The following CDH20 variants were observed in gnomAD, a reference collection of about 807,000 sequenced individuals.
CDH20 encodes cadherin 20.
A neutral mutation model predicts 74.2 loss-of-function variants in CDH20; 29 were observed. The observed-to-expected ratio is 0.39, with a 90% CI of 0.29 to 0.53. The LOEUF (loss-of-function observed/expected upper bound fraction) is 0.53. CDH20 is among the 20% of genes least tolerant of loss of function. The pLI is 0.69. For missense variants in CDH20, 988 were observed against 1,048.3 expected (o/e 0.94, Z 0.79); for synonymous variants, 469 against 405.4 (o/e 1.16, Z -1.88).
At chr18:61,468,574 T>C (rs1435836661) in intron 1 of CDH20, among the ~76,000 whole-genome samples, 1 of 152,226 alleles carries the variant, frequency 6.6e-6, no homozygotes, top group Non-Finnish European at 1.5e-5. Context: ...GTATCCCTTT[T>C]TCCCCCCTAC....
At chr18:61,484,905 A>G (rs1910705930) in intron 1 of CDH20, among the ~76,000 whole-genome samples, 1 of 152,144 alleles carries the variant, frequency 6.6e-6, no homozygotes, top group African/African-American at 2.4e-5. Flanking sequence ...TCTCATTTAC[A>G]AAACAGCACT....
chr18:61,498,259 G>T (rs139098545), intron 2 of CDH20, among the ~76,000 whole-genome samples: 1 of 152,008 alleles, frequency 6.6e-6, no homozygotes, highest in Non-Finnish European at 1.5e-5. Flanking sequence ...AACTAGCCAG[G>T]CATTGTGGTG....
At chr18:61,431,226 A>G (rs971341477) in intron 1 of CDH20, among the ~76,000 whole-genome samples, 3 of 152,160 alleles carry the variant, frequency 2.0e-5, no homozygotes, top group African/African-American at 4.8e-5. Flanking sequence ...GAAAAACATC[A>G]GACAAACCCA....
At chr18:61,460,446 C>G (rs1267252054) in intron 1 of CDH20, among the ~76,000 whole-genome samples, 1 of 152,138 alleles carries the variant, frequency 6.6e-6, no homozygotes, top group Non-Finnish European at 1.5e-5. Flanking sequence ...CAAAACACAT[C>G]TAATTTAACA....
At chr18:61,336,586 A>T (rs1239707900) in intron 1 of CDH20, among the ~76,000 whole-genome samples, 1 of 152,196 alleles carries the variant, frequency 6.6e-6, no homozygotes, top group Non-Finnish European at 1.5e-5. Context: ...GAGCTAGAAA[A>T]TTAGCAGTTC....
chr18:61,531,801 A>G (rs1293288254), intron 7 of CDH20, among the ~76,000 whole-genome samples: 1 of 152,064 alleles, frequency 6.6e-6, no homozygotes, highest in Non-Finnish European at 1.5e-5. Flanking sequence ...GATGGTTTTA[A>G]AAGGGGCTTC....
chr18:61,446,537 C>T (rs6567213), intron 1 of CDH20, among the ~76,000 whole-genome samples: 40,105 of 151,934 alleles, frequency 0.26, 5,898 homozygotes, highest in Non-Finnish European at 0.34. Flanking sequence ...TAAGTTTTTA[C>T]ACCCTCTTCA....
intron 1 of CDH20, among the ~76,000 whole-genome samples, chr18:61,384,954 A>T (rs924498299): frequency 1.3e-5 from 2 of 152,104 alleles, no homozygotes; most frequent in Non-Finnish European, 2.9e-5. Flanking sequence ...AACACCTCCT[A>T]GTTTCCAGGC....
chr18:61,418,204 T>C lies in CDH20; in HGVS notation c.-152-72198T>C, dbSNP rs143844020. Among the ~76,000 whole-genome samples, 17 of 152,326 alleles carry C rather than the reference T, an allele frequency of 1.1e-4. No homozygotes were observed. The East Asian group carries it at 2.9e-3, about 26-fold the overall frequency. ...AGTTATTTAAGCTGTTTCAACCTTT[T>C]CAATGAGAATAAAATCAATAATAGG... On this transcript the variant is annotated intron_variant, in intron 1 of 11. Coordinates refer to ENST00000262717, the MANE Select transcript of CDH20 (RefSeq NM_031891.4).
At chr18:61,500,358 G>A (rs373206188) in intron 3 of CDH20, 25 bp from the exon 4 acceptor site, 33 of 1,609,014 alleles carry the variant, frequency 2.1e-5, no homozygotes, top group African/African-American at 1.3e-5. Context: ...GACTTGAACA[G>A]GTTTCTACCT....
intron 3 of CDH20, 49 bp downstream of exon 3, chr18:61,499,529 T>TAC (rs71338240): frequency 0.32 from 332,910 of 1,026,408 alleles, 38,002 homozygotes; most frequent in African/African-American, 0.42. Flanking sequence ...CCTATATATA[T>TAC]ACACACACAC....
chr18:61,373,174 G>GA (rs376979519), intron 1 of CDH20, among the ~76,000 whole-genome samples: 745 of 144,008 alleles, frequency 5.2e-3, no homozygotes, highest in Non-Finnish European at 7.4e-3. Flanking sequence ...AATGACAGAT[G>GA]AAAAAAAAAA....
intron 1 of CDH20, among the ~76,000 whole-genome samples, chr18:61,486,125 C>T (rs191977280): frequency 7.9e-4 from 121 of 152,234 alleles, no homozygotes; most frequent in Non-Finnish European, 1.5e-3. Context: ...AGTTAAAATC[C>T]TTCTGTATAG....
intron 1 of CDH20, among the ~76,000 whole-genome samples, chr18:61,390,054 C>G (rs2144200337): frequency 6.6e-6 from 1 of 152,254 alleles, no homozygotes; most frequent in East Asian, 1.9e-4. Context: ...TTTGGAAAGA[C>G]TCGTCTGCAG....
chr18:61,452,326 A>T (rs1305805370), intron 1 of CDH20, among the ~76,000 whole-genome samples: 1 of 152,192 alleles, frequency 6.6e-6, no homozygotes, highest in Non-Finnish European at 1.5e-5. Context: ...ATTATCACAA[A>T]ACTCTTGCAC....
At chr18:61,501,505 A>G (rs1911383961) in intron 4 of CDH20, among the ~76,000 whole-genome samples, 5 of 152,196 alleles carry the variant, frequency 3.3e-5, no homozygotes, top group Admixed American at 2.6e-4. Flanking sequence ...AGGAGTAATT[A>G]ACAAGGAACT....
intron 1 of CDH20, among the ~76,000 whole-genome samples, chr18:61,378,667 G>T (rs1475879427): frequency 6.6e-6 from 1 of 152,178 alleles, no homozygotes; most frequent in African/African-American, 2.4e-5. Flanking sequence ...CAGTCAAGTT[G>T]ACGTAAAATT....
At chr18:61,431,830 T>A (rs1913266705) in intron 1 of CDH20, among the ~76,000 whole-genome samples, 1 of 152,178 alleles carries the variant, frequency 6.6e-6, no homozygotes, top group African/African-American at 2.4e-5. Context: ...TGTTGATTCT[T>A]CTGAATTATC....
At chr18:61,518,158 A>G (rs540631010) in intron 6 of CDH20, among the ~76,000 whole-genome samples, 2 of 152,308 alleles carry the variant, frequency 1.3e-5, no homozygotes, top group Non-Finnish European at 2.9e-5. Flanking sequence ...TCCCTGGGAA[A>G]AAACACCTGG....
Sources: gnomAD v4.1 joint callset for allele counts (sites outside exome capture counted in the v4.1 genomes callset) on GRCh38, gnomAD v4.1.1 for gene constraint, MANE v1.5 for transcripts, NCBI Gene and HGNC (gene_info 2026-07-23, HGNC 2026-07-21) for gene names.